The following MICU1 variants were observed in gnomAD, a reference collection of about 807,000 sequenced individuals.
MICU1 encodes calcium uptake protein 1, mitochondrial.
MICU1 carries 45 observed loss-of-function variants against 56.8 expected under a neutral mutation model. That is an observed-to-expected ratio of 0.79 (90% CI 0.62 to 1.02). The LOEUF is 1.02. Among genes scored for constraint, MICU1 ranks in the 50% least tolerant of loss-of-function variants. MICU1 has a pLI of 0.00. For missense variants in MICU1, 504 were observed against 587.1 expected, an observed-to-expected ratio of 0.86 and a Z score of 1.46; for synonymous variants, 186 against 195.1, an observed-to-expected ratio of 0.95 and a Z score of 0.39.
intron 1 of MICU1, among the ~76,000 whole-genome samples, chr10:72,596,987 ATG>A (rs1441514827): frequency 6.6e-6 from 1 of 152,160 alleles, no homozygotes; most frequent in African/African-American, 2.4e-5. Context: ...ATTTTAATAA[ATG>A]TATCACACTA....
At chr10:72,399,633 G>C (rs748709800) in intron 10 of MICU1, among the ~76,000 whole-genome samples, 2 of 150,688 alleles carry the variant, frequency 1.3e-5, no homozygotes, top group African/African-American at 4.9e-5. Context: ...GTGACAAAGC[G>C]AAACTCCATC....
chr10:72,412,448 G>T (rs1863846446), intron 9 of MICU1, among the ~76,000 whole-genome samples: 1 of 152,236 alleles, frequency 6.6e-6, no homozygotes, highest in Non-Finnish European at 1.5e-5. Flanking sequence ...ATAAAAAGAA[G>T]ATAAGATTAA....
chr10:72,506,947 T>C (rs902558120), intron 6 of MICU1, among the ~76,000 whole-genome samples: 4 of 152,184 alleles, frequency 2.6e-5, no homozygotes, highest in African/African-American at 9.7e-5. Context: ...TGTCCCAAAG[T>C]CAGCTGTGGC....
At chr10:72,622,354 C>G (rs1377890566) in intron 1 of MICU1, among the ~76,000 whole-genome samples, 1 of 152,060 alleles carries the variant, frequency 6.6e-6, no homozygotes, top group Non-Finnish European at 1.5e-5. Flanking sequence ...TAGGAACTGT[C>G]ACCCACCCTT....
chr10:72,616,684 C>T lies in MICU1; in HGVS notation c.-2+9326G>A, dbSNP rs545246392. On this transcript the variant is annotated intron_variant, in intron 1 of 11. Transcript: ENST00000361114. ...AAAAAAAAACACACTATTCCTAATT[C>T]GGCAAGTATTGTTTTATCTGATCTT... Among the ~76,000 whole-genome samples the T allele has an allele frequency of 1.5e-4, 23 of 150,694 alleles. No homozygotes were observed. The East Asian group carries it at 2.5e-3, about 17-fold the overall frequency.
chr10:72,530,346 A>ATAT, intron 5 of MICU1, among the ~76,000 whole-genome samples: 1 of 129,972 alleles, frequency 7.7e-6, no homozygotes, highest in Non-Finnish European at 1.6e-5. Context: ...AATAATAATA[A>ATAT]TAATAATAAT....
At chr10:72,450,142 T>C (rs1865249516) in intron 8 of MICU1, among the ~76,000 whole-genome samples, 1 of 151,892 alleles carries the variant, frequency 6.6e-6, no homozygotes, top group Non-Finnish European at 1.5e-5. Context: ...ATGAAATGAC[T>C]ATGTAATTAA....
intron 8 of MICU1, among the ~76,000 whole-genome samples, chr10:72,446,569 T>A (rs1865112670): frequency 6.6e-6 from 1 of 152,174 alleles, no homozygotes; most frequent in African/African-American, 2.4e-5. Flanking sequence ...CCTCAAGTGA[T>A]CCACCCGCCT....
At chr10:72,401,392 G>T (rs1426000052) in intron 10 of MICU1, among the ~76,000 whole-genome samples, 1 of 152,132 alleles carries the variant, frequency 6.6e-6, no homozygotes, top group African/African-American at 2.4e-5. Context: ...GGTGGCTCAC[G>T]CCTGTAATCC....
At chr10:72,509,055 G>A (rs1482662126) in intron 5 of MICU1, among the ~76,000 whole-genome samples, 1 of 152,142 alleles carries the variant, frequency 6.6e-6, no homozygotes, top group Non-Finnish European at 1.5e-5. Flanking sequence ...CTTCCTGGGT[G>A]TTTAAACAAA....
intron 10 of MICU1, among the ~76,000 whole-genome samples, chr10:72,404,573 T>C (rs538923255): frequency 6.6e-6 from 1 of 152,198 alleles, no homozygotes; most frequent in South Asian, 2.1e-4. Context: ...GAATTCATAA[T>C]TTGCCAACAG....
chr10:72,397,358 G>T (rs1047534490), intron 10 of MICU1, among the ~76,000 whole-genome samples: 2 of 152,200 alleles, frequency 1.3e-5, no homozygotes, highest in Admixed American at 1.3e-4. Flanking sequence ...TCGATGCTAT[G>T]AAGAAACTGC....
intron 9 of MICU1, among the ~76,000 whole-genome samples, chr10:72,414,569 T>C (rs1411841839): frequency 6.6e-6 from 1 of 152,176 alleles, no homozygotes; most frequent in African/African-American, 2.4e-5. Context: ...GAGGGATCTT[T>C]TTGGGGTGAT....
At chr10:72,368,973 G>A (rs1351220354) in intron 11 of MICU1, among the ~76,000 whole-genome samples, 6 of 152,126 alleles carry the variant, frequency 3.9e-5, no homozygotes, top group African/African-American at 1.4e-4. Context: ...TGCATGGGAA[G>A]TAAACTAAGG....
chr10:72,569,237 A>ATATATTTTT, intron 1 of MICU1, among the ~76,000 whole-genome samples: 17 of 34,366 alleles, frequency 4.9e-4, no homozygotes, highest in Non-Finnish European at 8.2e-4. Context: ...ATATATATAT[A>ATATATTTTT]TTTTTTTTTT....
intron 8 of MICU1, among the ~76,000 whole-genome samples, chr10:72,435,856 C>T (rs1280010802): frequency 6.6e-6 from 1 of 152,244 alleles, no homozygotes; most frequent in African/African-American, 2.4e-5. Flanking sequence ...CACCATTGCT[C>T]AGGCTTGAGT....
intron 10 of MICU1, chr10:72,391,967 C>G (rs746871665): frequency 6.6e-6 from 1 of 152,064 alleles, no homozygotes; most frequent in Non-Finnish European, 1.5e-5. Context: ...GCATCTAGTG[C>G]TCGTCCGGCA....
intron 1 of MICU1, among the ~76,000 whole-genome samples, chr10:72,618,525 T>A (rs1842033827): frequency 6.6e-6 from 1 of 152,226 alleles, no homozygotes; most frequent in Admixed American, 6.5e-5. Flanking sequence ...TAAATGCTAT[T>A]ACAGGTCAAA....
chr10:72,448,193 ATTTTTT>A (rs71018289), intron 8 of MICU1, among the ~76,000 whole-genome samples: 26 of 36,834 alleles, frequency 7.1e-4, no homozygotes, highest in African/African-American at 2.1e-3. Context: ...ATATATATAT[ATTTTTT>A]TTTTTTTTTT....
Sources: gnomAD v4.1 joint callset for allele counts (sites outside exome capture counted in the v4.1 genomes callset) on GRCh38, gnomAD v4.1.1 for gene constraint, MANE v1.5 for transcripts, NCBI Gene and HGNC (gene_info 2026-07-23, HGNC 2026-07-21) for gene names.